Variants in RBFOX1 observed in about 807,000 individuals in gnomAD.
The protein encoded by RBFOX1 is RNA binding protein fox-1 homolog 1.
Under a neutral mutation model 57.7 loss-of-function variants are expected in RBFOX1, and 8 were observed. The observed-to-expected ratio is 0.14, with a 90% CI of 0.08 to 0.25. The LOEUF is 0.25. RBFOX1 is among the 10% of genes least tolerant of loss of function. The pLI is 1.00. For synonymous variants in RBFOX1, 326 were observed against 222.4 expected, an observed-to-expected ratio of 1.47 and a Z score of -4.15; for missense variants, 611 against 548.5, an observed-to-expected ratio of 1.11 and a Z score of -1.14.
chr16:6,351,148 G>T (rs73539422), intron 2 of RBFOX1, among the ~76,000 whole-genome samples: 1 of 151,976 alleles, frequency 6.6e-6, no homozygotes, highest in Non-Finnish European at 1.5e-5. Flanking sequence ...ACCTGGGGAG[G>T]CAGGTTAGCT....
chr16:6,621,813 T>G (rs553889542), intron 2 of RBFOX1, among the ~76,000 whole-genome samples: 1 of 152,158 alleles, frequency 6.6e-6, no homozygotes, highest in Non-Finnish European at 1.5e-5. Flanking sequence ...AACATACCAT[T>G]TAAAGACCAC....
At chr16:7,077,112 C>T (rs1053819059) in intron 4 of RBFOX1, among the ~76,000 whole-genome samples, 24 of 152,116 alleles carry the variant, frequency 1.6e-4, no homozygotes, top group African/African-American at 5.8e-4. Flanking sequence ...ATTTTCTGCC[C>T]AGAAATCTCT....
At chr16:6,666,464 T>A (rs970803193) in intron 3 of RBFOX1, among the ~76,000 whole-genome samples, 1 of 146,314 alleles carries the variant, frequency 6.8e-6, no homozygotes, top group African/African-American at 2.5e-5. Flanking sequence ...CACTTGAACC[T>A]GGAAGGCAGA....
At chr16:5,891,637 C>T (rs950303118) in intron 4 of RBFOX1, among the ~76,000 whole-genome samples, 4 of 152,194 alleles carry the variant, frequency 2.6e-5, no homozygotes, top group South Asian at 2.1e-4. Flanking sequence ...CAGGAAGCTC[C>T]GAGGGAATCT....
intron 3 of RBFOX1, among the ~76,000 whole-genome samples, chr16:5,723,164 T>C (rs1304161977): frequency 1.3e-5 from 2 of 152,100 alleles, no homozygotes; most frequent in African/African-American, 4.8e-5. Context: ...GCTACTTGAG[T>C]GTATGCATCT....
chr16:6,129,898 A>T (rs1438459713), intron 1 of RBFOX1, among the ~76,000 whole-genome samples: 1 of 152,174 alleles, frequency 6.6e-6, no homozygotes, highest in Admixed American at 6.5e-5. Context: ...TTCAGAAAGA[A>T]ACAAAACAAA....
chr16:6,607,909 C>T (rs2097966662), intron 2 of RBFOX1, among the ~76,000 whole-genome samples: 1 of 152,222 alleles, frequency 6.6e-6, no homozygotes, highest in South Asian at 2.1e-4. Context: ...CTGGAGTTGG[C>T]AACATACTGA....
intron 3 of RBFOX1, among the ~76,000 whole-genome samples, chr16:6,822,446 T>G (rs1386212319): frequency 6.6e-6 from 1 of 152,230 alleles, no homozygotes; most frequent in Non-Finnish European, 1.5e-5. Context: ...AACTTGTAAC[T>G]TGGAGGAACT....
At chr16:5,437,749 A>T (rs1172125238) in intron 1 of RBFOX1, among the ~76,000 whole-genome samples, 1 of 152,234 alleles carries the variant, frequency 6.6e-6, no homozygotes, top group African/African-American at 2.4e-5. Flanking sequence ...TGCCTGGATA[A>T]TGAGGCTCTG....
chr16:7,094,672 C>G (rs894456225), intron 4 of RBFOX1, among the ~76,000 whole-genome samples: 1 of 147,736 alleles, frequency 6.8e-6, no homozygotes, highest in Admixed American at 6.8e-5. Context: ...TCACCCTACT[C>G]CAATGTCTTG....
At chr16:6,909,275 C>A (rs1437110088) in intron 3 of RBFOX1, among the ~76,000 whole-genome samples, 2 of 152,146 alleles carry the variant, frequency 1.3e-5, no homozygotes, top group Admixed American at 6.5e-5. Context: ...AGCATTGTGG[C>A]CTTCAGACTC....
intron 4 of RBFOX1, among the ~76,000 whole-genome samples, chr16:7,393,711 C>T (rs1353791565): frequency 6.6e-6 from 1 of 152,130 alleles, no homozygotes; most frequent in Non-Finnish European, 1.5e-5. Flanking sequence ...ATCCCCACCC[C>T]GTTTCATCCA....
At chr16:6,867,222 A>AG (rs760893816) in intron 3 of RBFOX1, among the ~76,000 whole-genome samples, 4 of 151,950 alleles carry the variant, frequency 2.6e-5, no homozygotes, top group Non-Finnish European at 5.9e-5. Flanking sequence ...GTCTTTCTGT[A>AG]GGGGAAAAAA....
chr16:7,141,571 C>A (rs567668382), intron 4 of RBFOX1, among the ~76,000 whole-genome samples: 87 of 152,162 alleles, frequency 5.7e-4, no homozygotes, highest in African/African-American at 2.0e-3. Flanking sequence ...GAAGGTGGGG[C>A]CATTTATGGC....
chr16:6,340,639 C>T (rs151306826), intron 2 of RBFOX1, among the ~76,000 whole-genome samples: 2 of 152,168 alleles, frequency 1.3e-5, no homozygotes, highest in Non-Finnish European at 2.9e-5. Context: ...TGAGGACAAC[C>T]AGAGGTCATT....
intron 3 of RBFOX1, among the ~76,000 whole-genome samples, chr16:6,850,787 G>T (rs1319134589): frequency 6.6e-6 from 1 of 152,164 alleles, no homozygotes; most frequent in African/African-American, 2.4e-5. Context: ...AATGTCAAAT[G>T]ACTTAATCAC....
At chr16:5,443,726 C>T (rs189515274) in intron 1 of RBFOX1, among the ~76,000 whole-genome samples, 3 of 152,276 alleles carry the variant, frequency 2.0e-5, no homozygotes, top group Admixed American at 6.5e-5. Context: ...GTCAGGGACC[C>T]CTTTAAGCTT....
intron 2 of RBFOX1, among the ~76,000 whole-genome samples, chr16:5,559,100 C>T (rs944546302): frequency 7.3e-6 from 1 of 137,120 alleles, no homozygotes; most frequent in African/African-American, 2.8e-5. Context: ...GATATGTGAT[C>T]AGTTTTTGTC....
At chr16:5,629,798 A>T (rs2191094) in intron 3 of RBFOX1, among the ~76,000 whole-genome samples, 1 of 152,154 alleles carries the variant, frequency 6.6e-6, no homozygotes, top group Non-Finnish European at 1.5e-5. Context: ...AACAGAGCCA[A>T]ATGGCTAAGA....
Sources: allele counts gnomAD v4.1 joint callset (sites outside exome capture counted in the v4.1 genomes callset), GRCh38; gene constraint gnomAD v4.1.1; transcripts MANE v1.5; gene names NCBI Gene and HGNC (gene_info 2026-07-23, HGNC 2026-07-21).